Variants in KCNN2 observed in about 807,000 individuals in gnomAD.
KCNN2 encodes the protein potassium calcium-activated channel subfamily N member 2.
A neutral mutation model predicts 55.5 loss-of-function variants in KCNN2; 24 were observed. The observed-to-expected ratio is 0.43, with a 90% CI of 0.31 to 0.61. KCNN2 has a LOEUF of 0.61. Ranked by LOEUF, KCNN2 falls within the 20% of genes least tolerant of loss-of-function variation. The pLI is 0.08. For synonymous variants in KCNN2, 431 were observed against 336.1 expected, an observed-to-expected ratio of 1.28 and a Z score of -3.09; for missense variants, 754 against 853.6, an observed-to-expected ratio of 0.88 and a Z score of 1.45.
chr5:114,320,356 G>A (rs546825324), intron 2 of KCNN2, among the ~76,000 whole-genome samples: 59 of 152,168 alleles, frequency 3.9e-4, no homozygotes, highest in Middle Eastern at 6.8e-3. Flanking sequence ...CCTCACGCCT[G>A]TAATCCCAGC....
chr5:114,376,903 A>G (rs2150054208), intron 2 of KCNN2, among the ~76,000 whole-genome samples: 1 of 152,212 alleles, frequency 6.6e-6, no homozygotes. Context: ...CCTGGGCAAC[A>G]TAGCAAGACC....
At chr5:114,161,450 C>T (rs1391044229) in intron 1 of KCNN2, among the ~76,000 whole-genome samples, 2 of 148,844 alleles carry the variant, frequency 1.3e-5, no homozygotes, top group Non-Finnish European at 3.0e-5. Flanking sequence ...TCCTTCATTT[C>T]AACTTTGGTG....
intron 2 of KCNN2, among the ~76,000 whole-genome samples, chr5:114,303,877 T>C (rs1756216360): frequency 6.6e-6 from 1 of 152,182 alleles, no homozygotes. Context: ...GGAAGGATGA[T>C]ATATTTCTGA....
intron 4 of KCNN2, among the ~76,000 whole-genome samples, chr5:114,467,899 A>T (rs1761530433): frequency 6.6e-6 from 1 of 152,146 alleles, no homozygotes; most frequent in Admixed American, 6.6e-5. Context: ...GCTAATCAGG[A>T]GATTTAAACC....
chr5:114,491,812 T>C (rs1747872048), intron 6 of KCNN2, among the ~76,000 whole-genome samples: 1 of 152,120 alleles, frequency 6.6e-6, no homozygotes, highest in African/African-American at 2.4e-5. Flanking sequence ...CTTTCTTTAG[T>C]ACACTTCTGC....
At chr5:114,364,373 C>T (rs1315964409) in intron 2 of KCNN2, among the ~76,000 whole-genome samples, 1 of 152,002 alleles carries the variant, frequency 6.6e-6, no homozygotes, top group Non-Finnish European at 1.5e-5. Flanking sequence ...CTAGTGGGTG[C>T]GTCATTATGG....
rs6149185 is a variant in KCNN2, at chr5:114,323,649, A to ATTTTTTTTTT, written c.-184-37287_-184-37278dup. Among the ~76,000 whole-genome samples the ATTTTTTTTTT allele has an allele frequency of 2.0e-3, 172 of 85,276 alleles. 25 individuals carry two copies. The highest frequency in any genetic ancestry group is 3.8e-3 in the African/African-American group (94 of 24,704). The allele number at this position is 85,276 out of a possible 152,430, so 55.9% of individuals were successfully genotyped here. A position where few individuals can be genotyped will look rare whatever the true frequency, so the allele number is the denominator to read the frequency against. On this transcript the variant is annotated intron_variant, in intron 2 of 10. Transcript: ENST00000512097. ...TAAGTATCATGATATAAACATATCA[A>ATTTTTTTTTT]TTTTTTTTTTTTTTTTTTGCTGGTC...
At chr5:114,325,324 A>G (rs963541302) in intron 2 of KCNN2, among the ~76,000 whole-genome samples, 1 of 152,246 alleles carries the variant, frequency 6.6e-6, no homozygotes, top group Non-Finnish European at 1.5e-5. Context: ...GGAATAAAAA[A>G]GAACCAGGAT....
intron 1 of KCNN2, among the ~76,000 whole-genome samples, chr5:114,107,411 G>T (rs192852265): frequency 1.3e-5 from 2 of 152,120 alleles, no homozygotes; most frequent in African/African-American, 2.4e-5. Context: ...TTGAGATGGG[G>T]TCTGACTCCA....
Position 114,249,512 on chromosome 5 carries a change from C to T in KCNN2, c.-185+27947C>T, listed in dbSNP as rs1053482650. 8.6e-5 allele frequency among the ~76,000 whole-genome samples: 13 copies of T among 151,908 alleles called. 1 individual carries two copies. Among genetic ancestry groups the T allele is most frequent in the Non-Finnish European group, 1.5e-5 (1 of 67,994 alleles). ...ATGTTGGCCAGGCTGATCTCGAATTCCTGACCCCAAGTGATCTGCCTGCCT... is the reference window on the plus strand; with the variant it reads ...ATGTTGGCCAGGCTGATCTCGAATTTCTGACCCCAAGTGATCTGCCTGCCT... On this transcript the variant is annotated intron_variant, in intron 2 of 10. Coordinates refer to the KCNN2 transcript ENST00000512097.
At chr5:114,375,304 T>C (rs1757898794) in intron 2 of KCNN2, among the ~76,000 whole-genome samples, 1 of 152,166 alleles carries the variant, frequency 6.6e-6, no homozygotes, top group African/African-American at 2.4e-5. Context: ...TAATGTGACA[T>C]AAAAGTGATG....
intron 3 of KCNN2, among the ~76,000 whole-genome samples, chr5:114,406,798 T>G (rs1423335440): frequency 6.6e-6 from 1 of 152,146 alleles, no homozygotes; most frequent in East Asian, 1.9e-4. Context: ...TTCACCCTCT[T>G]TCTTCGTTCT....
intron 1 of KCNN2, among the ~76,000 whole-genome samples, chr5:114,363,540 A>G (rs567626677): frequency 1.3e-5 from 2 of 152,312 alleles, no homozygotes; most frequent in South Asian, 4.1e-4. Flanking sequence ...TGGGGAAACC[A>G]TCTGTAATTC....
chr5:114,450,648 G>A (rs1048617065), intron 3 of KCNN2, among the ~76,000 whole-genome samples: 1 of 152,192 alleles, frequency 6.6e-6, no homozygotes, highest in African/African-American at 2.4e-5. Context: ...GCCAGCTCCA[G>A]ATTGTCTGAT....
At chr5:114,141,759 T>C (rs1343411554) in intron 1 of KCNN2, among the ~76,000 whole-genome samples, 1 of 152,184 alleles carries the variant, frequency 6.6e-6, no homozygotes, top group African/African-American at 2.4e-5. Flanking sequence ...AGTGTAAAAG[T>C]GTTCCTGTTT....
At chr5:114,259,281 T>C (rs1755050467) in intron 2 of KCNN2, among the ~76,000 whole-genome samples, 1 of 152,172 alleles carries the variant, frequency 6.6e-6, no homozygotes, top group Non-Finnish European at 1.5e-5. Context: ...GCTGGACCAC[T>C]CAGAACCCTC....
chr5:114,465,433 A>G (rs1342389220), intron 4 of KCNN2, among the ~76,000 whole-genome samples: 1 of 152,076 alleles, frequency 6.6e-6, no homozygotes, highest in African/African-American at 2.4e-5. Context: ...ACCAACATGG[A>G]GAAACCCCCT....
intron 2 of KCNN2, among the ~76,000 whole-genome samples, chr5:114,375,687 A>G (rs775549290): frequency 4.3e-4 from 65 of 151,948 alleles, no homozygotes; most frequent in Non-Finnish European, 6.8e-4. Flanking sequence ...TTACTTCATC[A>G]GTAGGATTTT....
At chr5:114,176,145 T>A (rs904831357) in intron 1 of KCNN2, among the ~76,000 whole-genome samples, 1 of 152,170 alleles carries the variant, frequency 6.6e-6, no homozygotes, top group Admixed American at 6.5e-5. Context: ...GGGCCTGTCA[T>A]GTGTAATGCA....
Sources: gnomAD v4.1 joint callset for allele counts (sites outside exome capture counted in the v4.1 genomes callset) on GRCh38, gnomAD v4.1.1 for gene constraint, MANE v1.5 for transcripts, NCBI Gene and HGNC (gene_info 2026-07-23, HGNC 2026-07-21) for gene names.